The following ANK3 variants were observed in gnomAD, a reference collection of about 807,000 sequenced individuals.
The protein encoded by ANK3 is ankyrin-3.
ANK3 carries 57 observed loss-of-function variants against 370.9 expected under a neutral mutation model. The ratio of observed to expected loss-of-function variants is 0.15; its 90% CI spans 0.12 to 0.19. ANK3 has a LOEUF of 0.19. Ranked by LOEUF, ANK3 falls within the 10% of genes least tolerant of loss-of-function variation. The pLI is 1.00. For synonymous variants in ANK3, 1,929 were observed against 1,946.3 expected (o/e 0.99, Z 0.23); for missense variants, 4,439 against 5,302.1 (o/e 0.84, Z 5.06).
At chr10:60,505,007 TA>T (rs1015873120) in intron 2 of ANK3, among the ~76,000 whole-genome samples, 1 of 151,876 alleles carries the variant, frequency 6.6e-6, no homozygotes, top group African/African-American at 2.4e-5. Context: ...TGTAGTTATC[TA>T]AAAAAAACTC....
chr10:60,495,290 A>G (rs1026269356), intron 2 of ANK3, among the ~76,000 whole-genome samples: 5 of 152,210 alleles, frequency 3.3e-5, no homozygotes, highest in Non-Finnish European at 5.9e-5. Flanking sequence ...CTAGAATGCT[A>G]CTACTCAAAA....
chr10:60,347,612 C>A (rs1245008604), intron 1 of ANK3, among the ~76,000 whole-genome samples: 1 of 152,048 alleles, frequency 6.6e-6, no homozygotes, highest in Admixed American at 6.6e-5. Flanking sequence ...AAGTGCCTGA[C>A]ACTCAATAAA....
At chr10:60,363,837 A>T (rs1198008546) in intron 1 of ANK3, among the ~76,000 whole-genome samples, 1 of 152,212 alleles carries the variant, frequency 6.6e-6, no homozygotes, top group African/African-American at 2.4e-5. Context: ...ATATGCATAT[A>T]ATGTCCTTTC....
At chr10:60,226,486 T>TAATCAAAAGCAAAAGTC (rs2097149243) in intron 8 of ANK3, among the ~76,000 whole-genome samples, 1 of 80,142 alleles carries the variant, frequency 1.2e-5, no homozygotes, top group African/African-American at 8.6e-5. Context: ...ATACTATATA[T>TAATCAAAAGCAAAAGTC]ATACATATAC....
At chr10:60,080,437 T>C (rs1339505716) in intron 36 of ANK3, 100 bp downstream of exon 36, 2 of 1,017,124 alleles carry the variant, frequency 2.0e-6, no homozygotes, top group Admixed American at 2.4e-5. Flanking sequence ...AATTTTTCTT[T>C]TGCCATTGAG....
intron 2 of ANK3, among the ~76,000 whole-genome samples, chr10:60,524,331 A>G (rs1336409599): frequency 6.6e-6 from 1 of 152,106 alleles, no homozygotes; most frequent in East Asian, 1.9e-4. Flanking sequence ...ACAGAAGAGT[A>G]TAGACCATTG....
At chr10:60,587,910 C>T (rs1428010453) in intron 2 of ANK3, among the ~76,000 whole-genome samples, 1 of 151,818 alleles carries the variant, frequency 6.6e-6, no homozygotes, top group Non-Finnish European at 1.5e-5. Flanking sequence ...TTTTGTGATC[C>T]TAATGAAATG....
At chr10:60,382,753 T>C (rs774822566) in intron 1 of ANK3, among the ~76,000 whole-genome samples, 5 of 150,042 alleles carry the variant, frequency 3.3e-5, no homozygotes, top group South Asian at 2.1e-4. Context: ...CAATATAATG[T>C]TGTATTTAGA....
rs746822793 is a variant in ANK3, at chr10:60,055,908, T to C, written c.12815A>G (p.Asn4272Ser). The C allele has an allele frequency of 6.2e-7, 1 of 1,614,164 alleles. No individual in the cohort carries two copies. Among genetic ancestry groups the C allele is most frequent in the East Asian group, 2.2e-5 (1 of 44,878 alleles). Residue 4272 changes from asparagine to serine, a missense_variant, in exon 42 of 44, where the codon AAT becomes AGT. Coordinates refer to ENST00000280772, the MANE Select transcript of ANK3 (RefSeq NM_020987.5). ...KTKSYFPESQ[N>S]DVGKQSTKET... is the part of the protein sequence containing the mutation. ...CTTGGTACTCTGTTTTCCTACATCA[T>C]TTTGGGATTCTGGAAAGTAAGATTT...
intron 2 of ANK3, among the ~76,000 whole-genome samples, chr10:60,592,552 G>C (rs2077931506): frequency 6.6e-6 from 1 of 152,176 alleles, no homozygotes; most frequent in South Asian, 2.1e-4. Flanking sequence ...CTGAGGTCAG[G>C]AGTTCGAGAC....
chr10:60,694,398 A>G (rs138774755), intron 1 of ANK3, among the ~76,000 whole-genome samples: 7,907 of 152,190 alleles, frequency 0.052, 289 homozygotes, highest in African/African-American at 0.086. Flanking sequence ...TACAGATAAC[A>G]CCACAAAGAT....
rs148265424 is a variant in ANK3 at position 60,299,260 on chromosome 10, T to C, written c.115-19621A>G. On this transcript the variant is annotated intron_variant, in intron 1 of 43. Coordinates refer to ENST00000280772, the MANE Select transcript of ANK3 (RefSeq NM_020987.5). ...GAAAGGTTAATATTTTCGCAAAAAA[T>C]ATTCTGTCTTTAAGAGTACAAAGAT... Among the ~76,000 whole-genome samples, 364 of 152,278 alleles carry C rather than the reference T, an allele frequency of 2.4e-3. 2 individuals carry two copies. Among genetic ancestry groups the C allele is most frequent in the Middle Eastern group, 0.024 (7 of 294 alleles).
At chr10:60,616,819 A>G (rs1196563817) in intron 1 of ANK3, among the ~76,000 whole-genome samples, 1 of 152,220 alleles carries the variant, frequency 6.6e-6, no homozygotes, top group African/African-American at 2.4e-5. Flanking sequence ...TTCACAGTGT[A>G]GGCAAGTGCC....
At chr10:60,277,594 T>C (rs1763441332) in intron 4 of ANK3, among the ~76,000 whole-genome samples, 2 of 152,220 alleles carry the variant, frequency 1.3e-5, no homozygotes, top group Admixed American at 1.3e-4. Context: ...CTTCATTTAA[T>C]CTATGTATTT....
At chr10:60,052,666 C>G (rs972723460) in intron 42 of ANK3, among the ~76,000 whole-genome samples, 2 of 151,974 alleles carry the variant, frequency 1.3e-5, no homozygotes, top group Non-Finnish European at 2.9e-5. Context: ...CACTTAGATG[C>G]CATGGGGAAG....
At chr10:60,126,803 C>T (rs1206657299) in intron 25 of ANK3, among the ~76,000 whole-genome samples, 4 of 152,126 alleles carry the variant, frequency 2.6e-5, no homozygotes. Context: ...AGAGAGAAAG[C>T]ATAAAATAAT....
Position 60,073,931 on chromosome 10 carries a change from T to C in ANK3, c.6950A>G (p.Glu2317Gly). The C allele has an allele frequency of 6.2e-7, 1 of 1,614,114 alleles. No individual in the cohort carries two copies. The highest frequency in any genetic ancestry group is 1.1e-5 in the South Asian group (1 of 91,076). ...TTTGGGTTTCATTTGGTTGTCCTTC[T>C]CTGCATGCTGGGCTGAGGTTTCAGC... ...SAAETSAQHA[E>G]KDNQMKPKLE... The change falls in exon 37 of 44, where the codon GAG (glutamate) becomes GGG (glycine). Residue 2317 changes from glutamate (E) to glycine (G), a missense_variant. Coordinates refer to ENST00000280772, the MANE Select transcript of ANK3 (RefSeq NM_020987.5).
chr10:60,546,755 AT>A (rs2076972577), intron 2 of ANK3, among the ~76,000 whole-genome samples: 1 of 152,194 alleles, frequency 6.6e-6, no homozygotes, highest in South Asian at 2.1e-4. Flanking sequence ...TTCATTAAAA[AT>A]GAAACCATAT....
chr10:60,157,887 AGAG>A (rs2095387139), intron 23 of ANK3, among the ~76,000 whole-genome samples: 1 of 4,458 alleles, frequency 2.2e-4, no homozygotes, highest in African/African-American at 3.6e-4. Context: ...AGAGAGAAAA[AGAG>A]AGAGAGAGAG....
Sources: gnomAD v4.1 joint callset for allele counts (sites outside exome capture counted in the v4.1 genomes callset) on GRCh38, gnomAD v4.1.1 for gene constraint, MANE v1.5 for transcripts, NCBI Gene and HGNC (gene_info 2026-07-23, HGNC 2026-07-21) for gene names.